The following DPY19L2 variants were observed in gnomAD, a reference collection of about 807,000 sequenced individuals.
The protein encoded by DPY19L2 is probable C-mannosyltransferase DPY19L2.
Under a neutral mutation model 97.9 loss-of-function variants are expected in DPY19L2, and 34 were observed. That is an observed-to-expected ratio of 0.35 (90% CI 0.26 to 0.46). DPY19L2 has a LOEUF of 0.46. DPY19L2 is among the 20% of genes least tolerant of loss of function. DPY19L2 has a pLI of 1.00. For synonymous variants in DPY19L2, 230 were observed against 307.9 expected, an observed-to-expected ratio of 0.75 and a Z score of 2.65; for missense variants, 623 against 911.4, an observed-to-expected ratio of 0.68 and a Z score of 4.07.
At chr12:63,648,182 C>T (rs1893692008) in intron 4 of DPY19L2, among the ~76,000 whole-genome samples, 1 of 152,118 alleles carries the variant, frequency 6.6e-6, no homozygotes, top group South Asian at 2.1e-4. Context: ...TCACCAGACA[C>T]CAAATCTGCT....
intron 4 of DPY19L2, among the ~76,000 whole-genome samples, chr12:63,649,677 C>T (rs1447763871): frequency 1.3e-5 from 2 of 152,106 alleles, no homozygotes; most frequent in African/African-American, 4.8e-5. Flanking sequence ...AAGACTGACT[C>T]ACCAATAAAA....
At chr12:63,612,286 G>T (rs1216107486) in intron 11 of DPY19L2, among the ~76,000 whole-genome samples, 2 of 151,918 alleles carry the variant, frequency 1.3e-5, no homozygotes, top group Non-Finnish European at 2.9e-5. Context: ...AATACAGTAG[G>T]TCAATCTGGC....
chr12:63,596,155 T>G (rs1401609006), intron 14 of DPY19L2, 118 bp from the exon 15 acceptor site: 1 of 659,238 alleles, frequency 1.5e-6, no homozygotes, highest in Non-Finnish European at 2.4e-6. Context: ...GTTAAATTTC[T>G]TTGTCATCAG....
At chr12:63,649,668 A>G (rs1893916685) in intron 4 of DPY19L2, among the ~76,000 whole-genome samples, 1 of 152,164 alleles carries the variant, frequency 6.6e-6, no homozygotes, top group Non-Finnish European at 1.5e-5. Context: ...ACAAGTTCCA[A>G]GACTGACTCA....
chr12:63,628,473 C>A (rs1245403773), intron 6 of DPY19L2, among the ~76,000 whole-genome samples: 1 of 152,088 alleles, frequency 6.6e-6, no homozygotes, highest in Admixed American at 6.6e-5. Context: ...TCATTGCTAG[C>A]ACAGCAGTCT....
chr12:63,578,940 T>C (rs1217800250), intron 19 of DPY19L2, among the ~76,000 whole-genome samples: 1 of 152,008 alleles, frequency 6.6e-6, no homozygotes, highest in Non-Finnish European at 1.5e-5. Context: ...ACAGCCTCAA[T>C]GTCAACTGTG....
At chr12:63,652,136 A>G (rs1336918770) in intron 4 of DPY19L2, among the ~76,000 whole-genome samples, 2 of 152,194 alleles carry the variant, frequency 1.3e-5, no homozygotes, top group African/African-American at 4.8e-5. Flanking sequence ...ACATAAACAC[A>G]AATTTCTCAA....
intron 16 of DPY19L2, among the ~76,000 whole-genome samples, chr12:63,588,053 A>G (rs1882121092): frequency 6.6e-6 from 1 of 152,192 alleles, no homozygotes; most frequent in Non-Finnish European, 1.5e-5. Flanking sequence ...GGACACAATA[A>G]TGATTGATAA....
At position 63,644,467 on chromosome 12, in the gene DPY19L2, C is replaced by A. The variant is rs771537955; in HGVS notation, c.739G>T (p.Gly247Cys). ...GLGDPACFYVGVIFILNGLMM... is the reference protein window; with the variant it reads ...GLGDPACFYVCVIFILNGLMM... ...AGTCCATTTAAAATAAAGATTACAC[C>A]AACATAAAAGCAAGCAGGATCTCCC... The change falls in exon 6 of 22, where the codon GGT becomes TGT. Residue 247 changes from glycine (G) to cysteine (C), a missense_variant. Around this residue, in one of 6 missense-constraint regions of DPY19L2, gnomAD observed 27 missense variants for 77.5 expected, o/e 0.35. Transcript: ENST00000324472. 6.2e-7 allele frequency: 1 copy of A among 1,611,292 alleles called. No individual in the cohort carries two copies. Among genetic ancestry groups the A allele is most frequent in the South Asian group, 1.1e-5 (1 of 90,500 alleles).
intron 21 of DPY19L2, among the ~76,000 whole-genome samples, chr12:63,567,844 T>C (rs1228714752): frequency 2.0e-5 from 3 of 152,104 alleles, no homozygotes; most frequent in Non-Finnish European, 2.9e-5. Context: ...TCTGATAATT[T>C]CCACTATTTA....
At chr12:63,608,595 A>C (rs1318019435) in intron 12 of DPY19L2, 21 bp downstream of exon 12, 1 of 1,504,034 alleles carries the variant, frequency 6.6e-7, no homozygotes, top group Non-Finnish European at 9.1e-7. Context: ...AATAAACTGC[A>C]TTAAAAACAT....
chr12:63,662,792 T>C (rs1206514499), intron 3 of DPY19L2, among the ~76,000 whole-genome samples: 2 of 152,200 alleles, frequency 1.3e-5, no homozygotes, highest in African/African-American at 4.8e-5. Context: ...AAAGTTCAAA[T>C]GTCATACATA....
intron 4 of DPY19L2, among the ~76,000 whole-genome samples, chr12:63,657,424 G>T (rs1320992235): frequency 1.3e-5 from 2 of 152,130 alleles, no homozygotes; most frequent in African/African-American, 4.8e-5. Flanking sequence ...TAATGTAATG[G>T]GGGAAGAGTG....
At chr12:63,621,767 ACAAAGTAATAAG>A (rs1191063457) in intron 8 of DPY19L2, among the ~76,000 whole-genome samples, 1 of 152,202 alleles carries the variant, frequency 6.6e-6, no homozygotes, top group African/African-American at 2.4e-5. Flanking sequence ...ATAAGTGCTG[ACAAAGTAATAAG>A]TTAAAAACTA....
chr12:63,618,090 C>T (rs915761383), intron 10 of DPY19L2, 61 bp downstream of exon 10: 70 of 1,261,702 alleles, frequency 5.5e-5, no homozygotes, highest in Non-Finnish European at 6.9e-5. Context: ...AGAATCACTT[C>T]GATTTTATAA....
intron 19 of DPY19L2, among the ~76,000 whole-genome samples, chr12:63,573,615 A>G (rs1411536505): frequency 6.6e-6 from 1 of 152,178 alleles, no homozygotes; most frequent in Non-Finnish European, 1.5e-5. Context: ...GATTTAACCC[A>G]AAGACTAACT....
intron 21 of DPY19L2, among the ~76,000 whole-genome samples, chr12:63,564,936 C>T (rs1309574472): frequency 1.3e-5 from 2 of 152,136 alleles, no homozygotes; most frequent in African/African-American, 4.8e-5. Context: ...AGGGTTGCTA[C>T]ATCCTCTTGA....
Position 63,635,122 on chromosome 12 carries a change from C to T in DPY19L2, c.804-8596G>A, listed in dbSNP as rs543566779. 8.5e-5 allele frequency among the ~76,000 whole-genome samples: 13 copies of T among 152,280 alleles called. No homozygotes were observed. In the South Asian group the frequency reaches 2.7e-3, roughly 32 times the overall value. On this transcript the variant is annotated intron_variant, in intron 6 of 21. Transcript: ENST00000324472. ...ATCAGGCAGCAACATTTGCTGTTCA[C>T]CAATATCCACTGCTCTGCAGCATCC...
chr12:63,594,648 G>A (rs1258202014), intron 15 of DPY19L2, among the ~76,000 whole-genome samples: 5 of 127,202 alleles, frequency 3.9e-5, no homozygotes, highest in South Asian at 2.3e-4. Context: ...GTGTGTGTGC[G>A]TGTCTGTGTG....
Sources: allele counts gnomAD v4.1 joint callset (sites outside exome capture counted in the v4.1 genomes callset), GRCh38; gene constraint gnomAD v4.1.1; regional missense constraint gnomAD v4.1.1; transcripts MANE v1.5; gene names NCBI Gene and HGNC (gene_info 2026-07-23, HGNC 2026-07-21).